Variants in AFG1L observed in about 807,000 individuals in gnomAD.
AFG1L encodes AFG1-like ATPase.
A neutral mutation model predicts 62.2 loss-of-function variants in AFG1L; 53 were observed. That is an observed-to-expected ratio of 0.85 (90% CI 0.68 to 1.07). The LOEUF (loss-of-function observed/expected upper bound fraction) is 1.07, where lower values mean the gene tolerates loss of function less well. Ranked by LOEUF, AFG1L falls within the 50% of genes least tolerant of loss-of-function variation. The pLI is 0.00. For missense variants in AFG1L, 555 were observed against 590.5 expected, an observed-to-expected ratio of 0.94 and a Z score of 0.62; for synonymous variants, 228 against 210.3, an observed-to-expected ratio of 1.08 and a Z score of -0.73.
chr6:108,466,715 G>GA (rs947199320), intron 8 of AFG1L, among the ~76,000 whole-genome samples: 49 of 146,640 alleles, frequency 3.3e-4, no homozygotes, highest in Non-Finnish European at 5.8e-4. Flanking sequence ...AACTGTGTGA[G>GA]AAAAAAAAAT....
Position 108,314,802 on chromosome 6 carries a change from C to A in AFG1L, c.140-9023C>A, listed in dbSNP as rs571682505. On this transcript the variant is annotated intron_variant, in intron 1 of 12. Transcript: ENST00000368977. ...TCTCAATCCTACTTACAAAATCTGC[C>A]TTACTTACCATGGCTTTTAAGGCCC... Among the ~76,000 whole-genome samples, 10 of 152,058 alleles carry A rather than the reference C, an allele frequency of 6.6e-5. 1 individual carries two copies. Among genetic ancestry groups the A allele is most frequent in the Admixed American group, 2.0e-4 (3 of 15,274 alleles).
At chr6:108,415,373 A>AT (rs113915840) in intron 7 of AFG1L, among the ~76,000 whole-genome samples, 95,888 of 151,960 alleles carry the variant, frequency 0.63, 32,371 homozygotes, top group African/African-American at 0.89. Flanking sequence ...ATTCAATGCC[A>AT]CCCCATCAAG....
rs114325461 is a variant in AFG1L, at chr6:108,454,157, G to A, written c.890+6861G>A. On this transcript the variant is annotated intron_variant, in intron 8 of 12. Coordinates refer to ENST00000368977, the MANE Select transcript of AFG1L (RefSeq NM_145315.5). ...CCTCCAGTTCCTTAAATTCTCTCAT[G>A]TGTCTTTTAGACTCCATTATATTCC... Among the ~76,000 whole-genome samples, 566 of 152,212 alleles carry A rather than the reference G, an allele frequency of 3.7e-3. 6 individuals are homozygous for A. Among genetic ancestry groups the A allele is most frequent in the African/African-American group, 0.013 (544 of 41,526 alleles).
chr6:108,510,238 A>G lies in AFG1L; in HGVS notation c.1089A>G (p.Glu363=). The change falls in exon 11 of 13, where the codon GAA becomes GAG. Residue 363 remains glutamate (E), a synonymous_variant. Transcript: ENST00000368977. Reference sequence around the variant, plus strand: ...CACTTGGAGCCAGTGACTATTTGGAACTATCAAAGAATTTTGATACAATAT... The same window carrying G: ...CACTTGGAGCCAGTGACTATTTGGAGCTATCAAAGAATTTTGATACAATAT... ...ERPLGASDYL[E]LSKNFDTIFL... 1 of 1,610,406 alleles carries G rather than the reference A, an allele frequency of 6.2e-7. No individual in the cohort carries two copies. Among genetic ancestry groups the G allele is most frequent in the Non-Finnish European group, 8.5e-7 (1 of 1,178,458 alleles).
intron 7 of AFG1L, among the ~76,000 whole-genome samples, chr6:108,416,192 G>C (rs1296072020): frequency 2.0e-5 from 3 of 152,148 alleles, no homozygotes; most frequent in Admixed American, 6.5e-5. Flanking sequence ...CATTGGCCAC[G>C]AGAGAAATGC....
At chr6:108,398,533 ACCAATGT>A (rs1387012180) in intron 6 of AFG1L, among the ~76,000 whole-genome samples, 10 of 152,274 alleles carry the variant, frequency 6.6e-5, no homozygotes, top group African/African-American at 2.4e-4. Context: ...TTTTGCTCAG[ACCAATGT>A]CCTGGAGAGT....
chr6:108,521,287 C>A (rs571099150), intron 12 of AFG1L: 4 of 152,090 alleles, frequency 2.6e-5, no homozygotes, highest in Non-Finnish European at 5.9e-5. Flanking sequence ...GAGTTCAAGA[C>A]CAGCCTGGGC....
At chr6:108,482,324 C>A (rs1196676467) in intron 10 of AFG1L, among the ~76,000 whole-genome samples, 2 of 152,120 alleles carry the variant, frequency 1.3e-5, no homozygotes, top group African/African-American at 4.8e-5. Flanking sequence ...TTGCAACTAA[C>A]AGTTTAAAAA....
chr6:108,381,098 G>T (rs896748642), intron 6 of AFG1L, among the ~76,000 whole-genome samples: 2 of 152,186 alleles, frequency 1.3e-5, no homozygotes, highest in African/African-American at 4.8e-5. Flanking sequence ...TTGGAAAAAA[G>T]CCAACCAAAA....
intron 2 of AFG1L, among the ~76,000 whole-genome samples, chr6:108,337,675 A>G (rs995361009): frequency 1.3e-5 from 2 of 152,214 alleles, no homozygotes. Context: ...TACGACCCTG[A>G]CTTGAGCCTC....
intron 7 of AFG1L, among the ~76,000 whole-genome samples, chr6:108,404,726 T>C (rs544468785): frequency 6.1e-4 from 92 of 151,896 alleles, no homozygotes; most frequent in African/African-American, 2.1e-3. Flanking sequence ...AATTATTTTA[T>C]TTATTTATTT....
chr6:108,304,525 GA>G (rs1276539509), intron 1 of AFG1L, among the ~76,000 whole-genome samples: 1 of 152,174 alleles, frequency 6.6e-6, no homozygotes, highest in Non-Finnish European at 1.5e-5. Context: ...AATAACTCAT[GA>G]ATAATTGTGA....
chr6:108,394,046 C>T (rs1421873227), intron 6 of AFG1L, among the ~76,000 whole-genome samples: 2 of 150,326 alleles, frequency 1.3e-5, no homozygotes, highest in Admixed American at 1.3e-4. Context: ...CTTCCCTTCC[C>T]TCCCTCCCTC....
At chr6:108,300,342 G>T (rs927104759) in intron 1 of AFG1L, among the ~76,000 whole-genome samples, 1 of 152,106 alleles carries the variant, frequency 6.6e-6, no homozygotes, top group South Asian at 2.1e-4. Flanking sequence ...AGTAGAGACA[G>T]GGTTTCGCCA....
chr6:108,358,123 G>T (rs939159749), intron 5 of AFG1L, among the ~76,000 whole-genome samples: 6 of 152,180 alleles, frequency 3.9e-5, no homozygotes, highest in African/African-American at 1.4e-4. Context: ...CAGGAGAAGG[G>T]CCTCATTGAG....
chr6:108,429,308 T>C (rs558733480), intron 7 of AFG1L, among the ~76,000 whole-genome samples: 39 of 152,318 alleles, frequency 2.6e-4, no homozygotes, highest in African/African-American at 7.2e-4. Context: ...CTCACAATCA[T>C]GGCTGAAGGC....
At chr6:108,333,474 G>T (rs1778356599) in intron 2 of AFG1L, among the ~76,000 whole-genome samples, 1 of 152,082 alleles carries the variant, frequency 6.6e-6, no homozygotes, top group African/African-American at 2.4e-5. Flanking sequence ...CAGGTGCAAT[G>T]GCTCACGCCT....
intron 2 of AFG1L, among the ~76,000 whole-genome samples, chr6:108,329,595 G>A (rs1778193489): frequency 6.6e-6 from 1 of 152,058 alleles, no homozygotes; most frequent in East Asian, 1.9e-4. Context: ...CACTGCGCCT[G>A]GCCCCACTAA....
chr6:108,489,796 G>A (rs560920325), intron 10 of AFG1L, among the ~76,000 whole-genome samples: 14 of 152,298 alleles, frequency 9.2e-5, no homozygotes, highest in African/African-American at 3.1e-4. Context: ...GGAGAACGGG[G>A]CTTACAAACA....
Sources: allele counts gnomAD v4.1 joint callset (sites outside exome capture counted in the v4.1 genomes callset), GRCh38; gene constraint gnomAD v4.1.1; transcripts MANE v1.5; gene names NCBI Gene and HGNC (gene_info 2026-07-23, HGNC 2026-07-21).